ROBO2: variants seen among roughly 807,000 people sequenced by gnomAD.
ROBO2 encodes roundabout homolog 2.
In ROBO2, 53 loss-of-function variants were observed where a neutral mutation model predicts 160.8. The observed-to-expected ratio is 0.33, with a 90% CI of 0.26 to 0.41. The LOEUF is 0.41. ROBO2 is among the 10% of genes least tolerant of loss of function. ROBO2 has a pLI of 1.00. For synonymous variants in ROBO2, 664 were observed against 611.7 expected (o/e 1.09, Z -1.26); for missense variants, 1,577 against 1,722.4 (o/e 0.92, Z 1.49).
At chr3:76,707,731 G>GTATATATATATATATATATATA (rs56401900) in intron 2 of ROBO2, among the ~76,000 whole-genome samples, 1 of 134,184 alleles carries the variant, frequency 7.5e-6, no homozygotes, top group African/African-American at 2.7e-5. Flanking sequence ...ACATGTGTGT[G>GTATATATATATATATATATATA]TATATATATA....
chr3:76,692,819 T>C (rs546894000), intron 2 of ROBO2, among the ~76,000 whole-genome samples: 35 of 151,972 alleles, frequency 2.3e-4, no homozygotes, highest in Admixed American at 1.6e-3. Context: ...TTCTCTTTGA[T>C]AGAGAAATGT....
At chr3:76,091,012 C>A (rs1254952068) in intron 2 of ROBO2, among the ~76,000 whole-genome samples, 3 of 152,102 alleles carry the variant, frequency 2.0e-5, no homozygotes, top group African/African-American at 7.2e-5. Flanking sequence ...TAGAAGATAG[C>A]ATAGGAGAAA....
At chr3:76,745,640 T>C (rs958512712) in intron 2 of ROBO2, among the ~76,000 whole-genome samples, 1 of 152,038 alleles carries the variant, frequency 6.6e-6, no homozygotes, top group Non-Finnish European at 1.5e-5. Flanking sequence ...AGCATCTTGA[T>C]AAAGTGTATC....
intron 2 of ROBO2, among the ~76,000 whole-genome samples, chr3:76,181,840 T>C (rs896946496): frequency 8.5e-5 from 13 of 152,132 alleles, no homozygotes; most frequent in African/African-American, 2.9e-4. Context: ...AGAGGGAGTA[T>C]GTTCAACTCT....
chr3:76,248,712 C>T (rs1705793324), intron 2 of ROBO2, among the ~76,000 whole-genome samples: 1 of 151,394 alleles, frequency 6.6e-6, no homozygotes, highest in African/African-American at 2.4e-5. Context: ...AATGATCTTC[C>T]AACTATTCCA....
At chr3:76,333,214 A>G (rs1239428479) in intron 2 of ROBO2, among the ~76,000 whole-genome samples, 1 of 152,126 alleles carries the variant, frequency 6.6e-6, no homozygotes, top group Non-Finnish European at 1.5e-5. Flanking sequence ...GAAGTTCGTA[A>G]ATTGGAAAAA....
At chr3:77,523,103 A>G (rs1403215604) in intron 6 of ROBO2, among the ~76,000 whole-genome samples, 1 of 151,376 alleles carries the variant, frequency 6.6e-6, no homozygotes, top group East Asian at 1.9e-4. Context: ...AAAAAGATTA[A>G]TTCTTATTTA....
At chr3:76,880,638 T>G (rs1485691991) in intron 2 of ROBO2, among the ~76,000 whole-genome samples, 2 of 152,180 alleles carry the variant, frequency 1.3e-5, no homozygotes, top group Non-Finnish European at 2.9e-5. Flanking sequence ...GATTTTAATG[T>G]TGGTGGTCTT....
intron 22 of ROBO2, among the ~76,000 whole-genome samples, chr3:77,620,303 T>C (rs1048239097): frequency 5.3e-5 from 8 of 152,216 alleles, no homozygotes; most frequent in African/African-American, 1.7e-4. Flanking sequence ...TATTGATTCG[T>C]GAAGTAAACA....
intron 2 of ROBO2, among the ~76,000 whole-genome samples, chr3:76,476,983 C>T (rs2078965463): frequency 6.6e-6 from 1 of 152,178 alleles, no homozygotes; most frequent in Non-Finnish European, 1.5e-5. Context: ...ACTTTACTGT[C>T]AGGCAGTACC....
intron 2 of ROBO2, among the ~76,000 whole-genome samples, chr3:76,052,841 C>A (rs1392868429): frequency 1.3e-5 from 2 of 151,970 alleles, no homozygotes; most frequent in African/African-American, 2.4e-5. Flanking sequence ...GACAAGTGAA[C>A]ATAAAGTCAT....
chr3:76,766,011 T>A (rs2061561184), intron 2 of ROBO2, among the ~76,000 whole-genome samples: 1 of 151,734 alleles, frequency 6.6e-6, no homozygotes, highest in African/African-American at 2.4e-5. Flanking sequence ...AATTAATCAT[T>A]TGGTAATTAT....
chr3:77,336,263 T>A (rs1180682320), intron 2 of ROBO2, among the ~76,000 whole-genome samples: 3 of 151,992 alleles, frequency 2.0e-5, no homozygotes, highest in Non-Finnish European at 4.4e-5. Flanking sequence ...TCATGGAAGG[T>A]GAGACTGAAT....
chr3:76,397,693 A>G (rs1175494340), intron 2 of ROBO2, among the ~76,000 whole-genome samples: 1 of 152,222 alleles, frequency 6.6e-6, no homozygotes, highest in Admixed American at 6.5e-5. Flanking sequence ...TCAAAAGAAG[A>G]CATTTATGTA....
exon 14 of ROBO2, chr3:77,574,618 T>C: frequency 3.7e-6 from 6 of 1,613,440 alleles, no homozygotes; most frequent in Non-Finnish European, 5.1e-6. Flanking sequence ...AACGAAGTGC[T>C]GTCTTAGTCA....
At chr3:76,703,891 G>C (rs1265162760) in intron 2 of ROBO2, among the ~76,000 whole-genome samples, 1 of 152,100 alleles carries the variant, frequency 6.6e-6, no homozygotes, top group Non-Finnish European at 1.5e-5. Flanking sequence ...TAATGGGATT[G>C]CTGGGTCAAA....
At chr3:75,969,037 T>G (rs1441239771) in intron 2 of ROBO2, among the ~76,000 whole-genome samples, 2 of 151,192 alleles carry the variant, frequency 1.3e-5, no homozygotes, top group Non-Finnish European at 3.0e-5. Flanking sequence ...TATTTTTCTT[T>G]CCATGTCTGG....
chr3:77,235,727 G>A (rs570865598), intron 2 of ROBO2, among the ~76,000 whole-genome samples: 1 of 152,264 alleles, frequency 6.6e-6, no homozygotes, highest in African/African-American at 2.4e-5. Flanking sequence ...CTTTCTGCCA[G>A]AATAATCTAG....
chr3:77,355,924 CAA>C (rs71935506), intron 2 of ROBO2, among the ~76,000 whole-genome samples: 3 of 137,464 alleles, frequency 2.2e-5, no homozygotes, highest in African/African-American at 2.7e-5. Flanking sequence ...ACAGATAATC[CAA>C]AAAAAAAAAA....
Sources: gnomAD v4.1 joint callset for allele counts (sites outside exome capture counted in the v4.1 genomes callset) on GRCh38, gnomAD v4.1.1 for gene constraint, MANE v1.5 for transcripts, NCBI Gene and HGNC (gene_info 2026-07-23, HGNC 2026-07-21) for gene names.